Variants in CTNNA3 observed in about 807,000 individuals in gnomAD.
CTNNA3 encodes the protein catenin alpha 3.
CTNNA3 carries 76 observed loss-of-function variants against 95.7 expected under a neutral mutation model. The ratio of observed to expected loss-of-function variants is 0.79; its 90% CI spans 0.66 to 0.96. CTNNA3 has a LOEUF of 0.96. Ranked by LOEUF, CTNNA3 falls within the 40% of genes least tolerant of loss-of-function variation. The pLI is 0.00. For missense variants in CTNNA3, 1,191 were observed against 1,089.8 expected (o/e 1.09, Z -1.31); for synonymous variants, 431 against 374.4 (o/e 1.15, Z -1.74).
chr10:66,594,739 T>C (rs1843656592), intron 10 of CTNNA3, among the ~76,000 whole-genome samples: 1 of 152,170 alleles, frequency 6.6e-6, no homozygotes, highest in Non-Finnish European at 1.5e-5. Context: ...TGGTAGCATG[T>C]AGTATGGTAG....
At chr10:66,480,509 G>A (rs1337811528) in intron 11 of CTNNA3, among the ~76,000 whole-genome samples, 1 of 152,000 alleles carries the variant, frequency 6.6e-6, no homozygotes, top group Non-Finnish European at 1.5e-5. Context: ...CTGGATATAT[G>A]TCATTATAAA....
intron 1 of CTNNA3, among the ~76,000 whole-genome samples, chr10:67,738,198 G>A (rs966581220): frequency 1.6e-4 from 24 of 152,134 alleles, no homozygotes; most frequent in Non-Finnish European, 2.6e-4. Context: ...TCATACAGGC[G>A]GGTGTCCCTC....
chr10:67,563,986 G>A (rs1227786946), intron 3 of CTNNA3, among the ~76,000 whole-genome samples: 3 of 148,834 alleles, frequency 2.0e-5, no homozygotes, highest in African/African-American at 5.1e-5. Context: ...TAAAAAGTCA[G>A]GAAACAACAG....
chr10:66,315,094 T>C (rs2092082253), intron 12 of CTNNA3, among the ~76,000 whole-genome samples: 1 of 152,106 alleles, frequency 6.6e-6, no homozygotes. Flanking sequence ...CGTGGTTCTT[T>C]CTTTATTAAT....
intron 14 of CTNNA3, among the ~76,000 whole-genome samples, chr10:66,092,732 T>C (rs1222070300): frequency 1.3e-5 from 2 of 151,920 alleles, no homozygotes; most frequent in African/African-American, 4.8e-5. Flanking sequence ...ACGGGCATTT[T>C]TGAATACCAA....
chr10:67,227,947 C>A (rs1865002432), intron 5 of CTNNA3, among the ~76,000 whole-genome samples: 1 of 152,144 alleles, frequency 6.6e-6, no homozygotes, highest in African/African-American at 2.4e-5. Context: ...CCTGAATTAG[C>A]ATTGGGTCAA....
chr10:66,019,997 G>A (rs756956633), intron 15 of CTNNA3, among the ~76,000 whole-genome samples: 2 of 152,130 alleles, frequency 1.3e-5, no homozygotes, highest in Non-Finnish European at 2.9e-5. Context: ...GTTCTCCAAT[G>A]CTACCTGATT....
chr10:67,466,710 C>A (rs1461514690), intron 5 of CTNNA3, among the ~76,000 whole-genome samples: 1 of 152,128 alleles, frequency 6.6e-6, no homozygotes, highest in East Asian at 1.9e-4. Context: ...GTTTGAAAAT[C>A]TAAATAATAT....
At chr10:67,677,176 G>A (rs979520527) in intron 1 of CTNNA3, among the ~76,000 whole-genome samples, 2 of 152,100 alleles carry the variant, frequency 1.3e-5, no homozygotes, top group South Asian at 2.1e-4. Flanking sequence ...ACCCTTTTAC[G>A]CTAGTATCTG....
At chr10:67,125,275 A>G (rs1394466053) in intron 7 of CTNNA3, among the ~76,000 whole-genome samples, 1 of 152,228 alleles carries the variant, frequency 6.6e-6, no homozygotes, top group Non-Finnish European at 1.5e-5. Context: ...AGTGATGATG[A>G]ATAAAATTAA....
At chr10:66,430,741 C>T (rs1306757192) in intron 11 of CTNNA3, among the ~76,000 whole-genome samples, 2 of 152,124 alleles carry the variant, frequency 1.3e-5, no homozygotes, top group African/African-American at 4.8e-5. Context: ...ACACCTTATA[C>T]AAAATTTAAT....
At chr10:65,974,988 C>T (rs2078183973) in intron 16 of CTNNA3, among the ~76,000 whole-genome samples, 3 of 152,134 alleles carry the variant, frequency 2.0e-5, no homozygotes, top group Admixed American at 2.0e-4. Context: ...TCATGCATTT[C>T]TGCTTTTATT....
intron 13 of CTNNA3, among the ~76,000 whole-genome samples, chr10:66,223,034 T>G (rs1306349129): frequency 6.6e-6 from 1 of 152,092 alleles, no homozygotes. Flanking sequence ...GCTCAAATTA[T>G]CATCTAAGCT....
intron 5 of CTNNA3, among the ~76,000 whole-genome samples, chr10:67,224,843 C>T (rs958498255): frequency 1.2e-4 from 18 of 152,066 alleles, no homozygotes; most frequent in African/African-American, 4.1e-4. Context: ...AGCTGAACTT[C>T]GTAACAATTT....
At chr10:66,833,002 C>T (rs1842772742) in intron 7 of CTNNA3, among the ~76,000 whole-genome samples, 1 of 152,142 alleles carries the variant, frequency 6.6e-6, no homozygotes, top group African/African-American at 2.4e-5. Flanking sequence ...GGCAGTTCAC[C>T]CCCTTCCTGA....
intron 7 of CTNNA3, among the ~76,000 whole-genome samples, chr10:67,022,306 G>A (rs1385644381): frequency 6.6e-6 from 1 of 152,080 alleles, no homozygotes; most frequent in Non-Finnish European, 1.5e-5. Context: ...TGGCAACTGA[G>A]AAAAAGCTTT....
chr10:66,100,681 A>T (rs551499758), intron 14 of CTNNA3, among the ~76,000 whole-genome samples: 39 of 152,292 alleles, frequency 2.6e-4, no homozygotes, highest in African/African-American at 8.4e-4. Flanking sequence ...AATCATAGAG[A>T]TCATCAAGTT....
At chr10:66,188,984 T>C (rs1186482244) in intron 13 of CTNNA3, among the ~76,000 whole-genome samples, 4 of 152,118 alleles carry the variant, frequency 2.6e-5, no homozygotes, top group Non-Finnish European at 5.9e-5. Flanking sequence ...ATTAGTGATC[T>C]TGAGCACCTT....
intron 7 of CTNNA3, among the ~76,000 whole-genome samples, chr10:67,118,010 T>C (rs948581253): frequency 6.6e-6 from 1 of 151,924 alleles, no homozygotes; most frequent in Non-Finnish European, 1.5e-5. Context: ...AAGAGCAAAT[T>C]AATGTGAAGT....
Sources: gnomAD v4.1 joint callset for allele counts (sites outside exome capture counted in the v4.1 genomes callset) on GRCh38, gnomAD v4.1.1 for gene constraint, MANE v1.5 for transcripts, NCBI Gene and HGNC (gene_info 2026-07-23, HGNC 2026-07-21) for gene names.